The following TUBD1 variants were observed in gnomAD, a reference collection of about 807,000 sequenced individuals.
TUBD1 encodes tubulin delta chain.
Under a neutral mutation model 51.2 loss-of-function variants are expected in TUBD1, and 38 were observed. The observed-to-expected ratio is 0.74, with a 90% CI of 0.57 to 0.97. TUBD1 has a LOEUF of 0.97. Ranked by LOEUF, TUBD1 falls within the 50% of genes least tolerant of loss-of-function variation. The pLI is 0.00. For missense variants in TUBD1, 489 were observed against 538.4 expected (o/e 0.91, Z 0.91); for synonymous variants, 169 against 178.2 (o/e 0.95, Z 0.41).
At chr17:59,879,992 A>T (rs1391124503) in intron 4 of TUBD1, among the ~76,000 whole-genome samples, 1 of 151,896 alleles carries the variant, frequency 6.6e-6, no homozygotes, top group East Asian at 1.9e-4. Flanking sequence ...ACCTCAGGTG[A>T]TCCATCCGCC....
intron 5 of TUBD1, among the ~76,000 whole-genome samples, chr17:59,875,668 G>C (rs1336475152): frequency 6.6e-6 from 1 of 151,484 alleles, no homozygotes; most frequent in South Asian, 2.1e-4. Context: ...GCTGAGGCGG[G>C]AGAATCGCTT....
rs2039576704 is a variant in TUBD1, at chr17:59,863,844, C to A, written c.1079G>T (p.Gly360Val). ...AGTATACAGAGCTGGATCTTTAAAT[C>A]CCTCTAGAGTAAAAACAAGATAAGC... is the stretch of plus-strand genomic sequence containing the variant. ...GKDVQSADVE[G>V]FKDPALYTSW... Residue 360 changes from glycine to valine, a missense_variant, in exon 8 of 9, where the codon GGA becomes GTA. Coordinates refer to ENST00000325752, the MANE Select transcript of TUBD1 (RefSeq NM_016261.4). 1.3e-6 allele frequency: 2 copies of A among 1,525,830 alleles called. No individual in the cohort carries two copies. Among genetic ancestry groups the A allele is most frequent in the Non-Finnish European group, 1.8e-6 (2 of 1,141,104 alleles). The allele number at this position is 1,525,830 out of a possible 1,614,324, so 94.5% of individuals were successfully genotyped here.
intron 8 of TUBD1, 21 bp from the exon 9 acceptor site, chr17:59,860,445 A>C (rs74685638): frequency 2.2e-5 from 30 of 1,378,572 alleles, no homozygotes; most frequent in East Asian, 1.4e-4. Flanking sequence ...AAAAAAAAAA[A>C]CAGAAATTAC....
intron 3 of TUBD1, among the ~76,000 whole-genome samples, chr17:59,882,457 T>G (rs1255125900): frequency 4.6e-5 from 7 of 151,924 alleles, no homozygotes; most frequent in Non-Finnish European, 7.4e-5. Flanking sequence ...CGGCTGATTT[T>G]TGTATTTTTA....
At chr17:59,869,987 T>C (rs971478633) in intron 6 of TUBD1, among the ~76,000 whole-genome samples, 2 of 151,812 alleles carry the variant, frequency 1.3e-5, no homozygotes, top group Non-Finnish European at 2.9e-5. Flanking sequence ...GGAGAGCAAA[T>C]GGTTACTGAC....
chr17:59,882,004 T>C (rs2040510089), intron 3 of TUBD1, among the ~76,000 whole-genome samples: 1 of 152,130 alleles, frequency 6.6e-6, no homozygotes, highest in Non-Finnish European at 1.5e-5. Context: ...TAAATTATTG[T>C]TAACTATAAT....
intron 6 of TUBD1, among the ~76,000 whole-genome samples, chr17:59,870,095 TTA>T (rs1307721783): frequency 6.6e-6 from 1 of 151,972 alleles, no homozygotes; most frequent in Non-Finnish European, 1.5e-5. Flanking sequence ...GCACGGTGGC[TTA>T]TATCTGTAAT....
rs751252096 is a variant in TUBD1 at position 59,866,685 on chromosome 17, G to A, written c.999C>T (p.Asn333=). 1 of 1,613,986 alleles carries A rather than the reference G, an allele frequency of 6.2e-7. No homozygotes were observed. The highest frequency in any genetic ancestry group is 1.7e-5 in the Admixed American group (1 of 59,988). Reference sequence around the variant, plus strand: ...TGGAAGTGTTAAAATGCAGGTCCTTGTTGAGAGACATTTTACTAAGAGGAG... The same window carrying A: ...TGGAAGTGTTAAAATGCAGGTCCTTATTGAGAGACATTTTACTAAGAGGAG... ...GLPPLSKMSL[N]KDLHFNTSIA... is the part of the protein sequence containing the mutation. The change falls in exon 7 of 9, where the codon AAC becomes AAT. Residue 333 remains asparagine, a synonymous_variant. Transcript: ENST00000325752.
At chr17:59,881,819 G>A (rs1004465409) in intron 3 of TUBD1, among the ~76,000 whole-genome samples, 4 of 151,694 alleles carry the variant, frequency 2.6e-5, no homozygotes, top group African/African-American at 4.8e-5. Flanking sequence ...ACAGATGCCC[G>A]AACCACACCA....
chr17:59,889,702 A>G (rs2040906867), intron 2 of TUBD1, among the ~76,000 whole-genome samples: 1 of 150,040 alleles, frequency 6.7e-6, no homozygotes, highest in Admixed American at 6.7e-5. Flanking sequence ...AAGAAAAAGA[A>G]AGAGAGCCTG....
intron 8 of TUBD1, among the ~76,000 whole-genome samples, chr17:59,863,344 C>T (rs980455552): frequency 6.6e-6 from 1 of 152,142 alleles, no homozygotes; most frequent in Non-Finnish European, 1.5e-5. Context: ...TGCATGGTGG[C>T]TTACGCCTGT....
At chr17:59,879,838 C>T (rs1338936577) in intron 4 of TUBD1, among the ~76,000 whole-genome samples, 2 of 151,970 alleles carry the variant, frequency 1.3e-5, no homozygotes, top group Admixed American at 1.3e-4. Context: ...ACTGGAACCT[C>T]TGTCTCCCGG....
intron 2 of TUBD1, among the ~76,000 whole-genome samples, chr17:59,887,959 G>A (rs1473992196): frequency 6.6e-6 from 1 of 150,496 alleles, no homozygotes; most frequent in East Asian, 2.0e-4. Context: ...TTTTGAGATG[G>A]AGTCTCGCTC....
chr17:59,891,038 C>G lies in TUBD1; in HGVS notation c.-36G>C. 2 of 1,321,582 alleles carry G rather than the reference C, an allele frequency of 1.5e-6. No individual in the cohort carries two copies. The highest frequency in any genetic ancestry group is 2.1e-6 in the Non-Finnish European group (2 of 974,962). 81.9% of individuals were successfully genotyped at this position (1,321,582 alleles called of 1,614,324 possible). On this transcript the variant is annotated 5_prime_UTR_variant, in exon 2 of 9. Transcript: ENST00000325752. ...AAACTAGGTGTATTACCTCTAAAAA[C>G]AACCTGTAATCGAAAAAAATACGCT...
intron 2 of TUBD1, among the ~76,000 whole-genome samples, chr17:59,887,046 C>A (rs958737630): frequency 6.6e-5 from 10 of 151,942 alleles, no homozygotes; most frequent in African/African-American, 2.4e-4. Context: ...ATTAGCTGGG[C>A]GTGGTGGCAG....
At chr17:59,866,575 A>G in intron 7 of TUBD1, 34 bp downstream of exon 7, 1 of 1,611,108 alleles carries the variant, frequency 6.2e-7, no homozygotes. Context: ...ACAGGTACAA[A>G]ATGTAAATCT....
At chr17:59,870,372 CAAAAAAAAAAAAAAAAA>C (rs530315478) in intron 6 of TUBD1, among the ~76,000 whole-genome samples, 5 of 77,982 alleles carry the variant, frequency 6.4e-5, no homozygotes, top group African/African-American at 2.2e-4. Flanking sequence ...CTCCATCTCA[CAAAAAAAAAAAAAAAAA>C]AAAAAAAAAA....
At position 59,870,458 on chromosome 17, in the gene TUBD1, G is replaced by A. The variant is rs1223524079; in HGVS notation, c.935-3709C>T. ...TAACTAAAAATCTATTTGAGAAGCA[G>A]TGAGAGCCCCTTCCCCACTCCCTGC... On this transcript the variant is annotated intron_variant, in intron 6 of 8. Coordinates refer to ENST00000325752, the MANE Select transcript of TUBD1 (RefSeq NM_016261.4). Among the ~76,000 whole-genome samples the A allele has an allele frequency of 2.7e-5, 4 of 149,096 alleles. No homozygotes were observed. In the East Asian group the frequency reaches 8.0e-4, roughly 30 times the overall value.
chr17:59,866,545 A>G (rs35806089), intron 7 of TUBD1, 64 bp downstream of exon 7: 143,526 of 1,574,298 alleles, frequency 0.091, 7,803 homozygotes, highest in African/African-American at 0.21. Context: ...TTTAAAAACC[A>G]TTTGTACCAT....
Sources: allele counts gnomAD v4.1 joint callset (sites outside exome capture counted in the v4.1 genomes callset), GRCh38; gene constraint gnomAD v4.1.1; transcripts MANE v1.5; gene names NCBI Gene and HGNC (gene_info 2026-07-23, HGNC 2026-07-21).